HNRNPC: variants seen among roughly 807,000 people sequenced by gnomAD.
HNRNPC encodes the protein heterogeneous nuclear ribonucleoprotein C, also known as heterogeneous nuclear ribonucleoproteins C1/C2.
A neutral mutation model predicts 33.2 loss-of-function variants in HNRNPC; 3 were observed. The ratio of observed to expected loss-of-function variants is 0.09; its 90% CI spans 0.04 to 0.23. HNRNPC has a LOEUF of 0.23. Among genes scored for constraint, HNRNPC ranks in the 10% least tolerant of loss-of-function variants. The pLI is 1.00. For missense variants in HNRNPC, 143 were observed against 366.7 expected (o/e 0.39, Z 4.98); for synonymous variants, 121 against 126.7 (o/e 0.96, Z 0.30).
intron 1 of HNRNPC, among the ~76,000 whole-genome samples, chr14:21,266,005 ATC>A (rs1393708068): frequency 3.9e-5 from 6 of 152,274 alleles, no homozygotes; most frequent in Non-Finnish European, 8.8e-5. Flanking sequence ...GATCATAGCA[ATC>A]TGTTTTAACT....
chr14:21,255,566 T>C (rs1218588488), intron 2 of HNRNPC, among the ~76,000 whole-genome samples: 2 of 152,196 alleles, frequency 1.3e-5, no homozygotes, highest in Non-Finnish European at 2.9e-5. Flanking sequence ...TAAACCCCTA[T>C]TACACAGACT....
chr14:21,260,579 G>A (rs8009700), intron 2 of HNRNPC, among the ~76,000 whole-genome samples: 24,348 of 151,794 alleles, frequency 0.16, 2,233 homozygotes, highest in Admixed American at 0.24. Context: ...AAAACTTCAG[G>A]AGGCTGAGGC....
chr14:21,215,975 GGAT>G (rs1382636657), intron 5 of HNRNPC, among the ~76,000 whole-genome samples: 3 of 151,240 alleles, frequency 2.0e-5, no homozygotes, highest in Admixed American at 2.0e-4. Context: ...CACACCAGCT[GGAT>G]GCAGTGGCAC....
At chr14:21,219,191 T>G (rs1271615862) in intron 5 of HNRNPC, among the ~76,000 whole-genome samples, 1 of 150,212 alleles carries the variant, frequency 6.7e-6, no homozygotes, top group Non-Finnish European at 1.5e-5. Flanking sequence ...CATAGAAGAG[T>G]AAGAAGTTCT....
At chr14:21,215,743 C>T (rs1379084588) in intron 5 of HNRNPC, among the ~76,000 whole-genome samples, 1 of 151,778 alleles carries the variant, frequency 6.6e-6, no homozygotes, top group South Asian at 2.1e-4. Flanking sequence ...ACTAAAAATA[C>T]AAAAATTAGC....
intron 5 of HNRNPC, among the ~76,000 whole-genome samples, chr14:21,225,978 T>C (rs1329364788): frequency 6.6e-6 from 1 of 152,014 alleles, no homozygotes; most frequent in Non-Finnish European, 1.5e-5. Flanking sequence ...AGAAAACACA[T>C]ATAGATCAAG....
At chr14:21,257,128 C>T (rs539466926) in intron 2 of HNRNPC, among the ~76,000 whole-genome samples, 19 of 152,262 alleles carry the variant, frequency 1.2e-4, no homozygotes, top group Admixed American at 5.2e-4. Flanking sequence ...TTTAAGTTGA[C>T]ATATTGGATA....
At chr14:21,239,631 T>TG (rs1286957722) in intron 2 of HNRNPC, among the ~76,000 whole-genome samples, 1 of 152,096 alleles carries the variant, frequency 6.6e-6, no homozygotes, top group East Asian at 1.9e-4. Flanking sequence ...CCCAGCACTT[T>TG]GGGAGGCTGA....
In HNRNPC at chr14:21,252,288, G is replaced by T. The variant is rs557090996; in HGVS notation, c.-37+11023C>A. Among the ~76,000 whole-genome samples the T allele has an allele frequency of 6.6e-5, 10 of 152,280 alleles. No homozygotes were observed. The East Asian group carries it at 9.6e-4, about 15-fold the overall frequency. ...ACTCAGTTCTCAGGGTAGTACTTCT[G>T]ATACTAAATGGACTTGTTGGTCTTT... On this transcript the variant is annotated intron_variant, in intron 2 of 8. Transcript: ENST00000553300.
chr14:21,246,983 GTTAA>G (rs1896049299), intron 2 of HNRNPC, among the ~76,000 whole-genome samples: 1 of 152,120 alleles, frequency 6.6e-6, no homozygotes, highest in Admixed American at 6.5e-5. Flanking sequence ...CTGAATCTGT[GTTAA>G]TTAACTTTAT....
In HNRNPC at chr14:21,260,513, T is replaced by C. The variant is rs917756506; in HGVS notation, c.-37+2798A>G. Among the ~76,000 whole-genome samples, 6 of 152,106 alleles carry C rather than the reference T, an allele frequency of 3.9e-5. No individual in the cohort carries two copies. The East Asian group carries it at 9.6e-4, about 24-fold the overall frequency. On this transcript the variant is annotated intron_variant, in intron 2 of 8. Transcript: ENST00000553300. ...TAGGTAACCATTTCTGCATGCTTTC[T>C]TTTTTTAAAAAGAGATGGGGTCTCG...
intron 2 of HNRNPC, among the ~76,000 whole-genome samples, chr14:21,253,355 T>TC (rs1896872701): frequency 6.8e-6 from 1 of 146,010 alleles, no homozygotes; most frequent in African/African-American, 2.6e-5. Flanking sequence ...ATGCCTGTAG[T>TC]CCCAGCTACT....
At chr14:21,254,211 A>G (rs572230449) in intron 2 of HNRNPC, among the ~76,000 whole-genome samples, 1 of 152,148 alleles carries the variant, frequency 6.6e-6, no homozygotes, top group African/African-American at 2.4e-5. Flanking sequence ...TTTGTTTACA[A>G]AAGAAAAAAT....
Position 21,211,727 on chromosome 14 carries a change from T to C in HNRNPC, c.637+83A>G, listed in dbSNP as rs2139443267. ...AAGTTTCATATTACATTGCTTTATA[T>C]TCCACTATTCCAACATGTACTTTCA... On this transcript the variant is annotated intron_variant, in intron 7 of 8. Coordinates refer to ENST00000553300, the MANE Select transcript of HNRNPC (RefSeq NM_004500.4). 2.1e-6 allele frequency: 3 copies of C among 1,428,382 alleles called. No homozygotes were observed. The East Asian group carries it at 6.8e-5, about 33-fold the overall frequency. 88.5% of individuals were successfully genotyped at this position (1,428,382 alleles called of 1,614,324 possible).
intron 2 of HNRNPC, among the ~76,000 whole-genome samples, chr14:21,239,770 A>G (rs1160376238): frequency 6.6e-6 from 1 of 151,968 alleles, no homozygotes; most frequent in African/African-American, 2.4e-5. Context: ...GCTACTTGGG[A>G]GGATGACACA....
intron 4 of HNRNPC, 199 bp downstream of exon 4, chr14:21,230,798 T>G: frequency 1.8e-6 from 1 of 565,934 alleles, no homozygotes; most frequent in Non-Finnish European, 3.0e-6. Context: ...CTAGAAATTT[T>G]CTCTAGGGCA....
chr14:21,224,166 G>A (rs1893155250), intron 5 of HNRNPC, among the ~76,000 whole-genome samples: 1 of 152,108 alleles, frequency 6.6e-6, no homozygotes, highest in Non-Finnish European at 1.5e-5. Flanking sequence ...CAAAGTGTCT[G>A]CTAATCTAAA....
intron 2 of HNRNPC, among the ~76,000 whole-genome samples, chr14:21,250,718 C>T (rs1241799257): frequency 1.3e-5 from 2 of 152,164 alleles, no homozygotes; most frequent in Non-Finnish European, 2.9e-5. Context: ...TGTGGCTACA[C>T]TGTAGTCTTC....
At chr14:21,212,936 A>G (rs1339876335) in intron 6 of HNRNPC, 24 bp downstream of exon 6, 2 of 1,612,994 alleles carry the variant, frequency 1.2e-6, no homozygotes, top group Non-Finnish European at 1.7e-6. Flanking sequence ...AGATACCAAA[A>G]TCACAAAATG....
Sources: allele counts gnomAD v4.1 joint callset (sites outside exome capture counted in the v4.1 genomes callset), GRCh38; gene constraint gnomAD v4.1.1; transcripts MANE v1.5; gene names NCBI Gene and HGNC (gene_info 2026-07-23, HGNC 2026-07-21).